Variants in RSPH14 observed in about 807,000 individuals in gnomAD.
RSPH14 encodes the protein rhabdoid tumor deletion region gene 1.
In RSPH14, 20 loss-of-function variants were observed where a neutral mutation model predicts 26.7. That is an observed-to-expected ratio of 0.75 (90% confidence interval 0.53 to 1.09). The LOEUF (loss-of-function observed/expected upper bound fraction) is 1.09, where lower values mean the gene tolerates loss of function less well. Ranked by LOEUF, RSPH14 falls within the 50% of genes least tolerant of loss-of-function variation. The pLI, the probability that RSPH14 is intolerant of heterozygous loss-of-function variation, is 0.00. For missense variants in RSPH14, 449 were observed against 457.2 expected (o/e 0.98, Z 0.16); for synonymous variants, 177 against 189.3 (o/e 0.93, Z 0.53).
chr22:23,171,810 C>A, the RSPH14 span, among the ~76,000 whole-genome samples: 1 of 146,528 alleles, frequency 6.8e-6, no homozygotes, highest in South Asian at 2.2e-4. Context: ...CCATTGCACT[C>A]CAGCCTGGGC....
chr22:23,153,013 G>A, the RSPH14 span: 36 of 1,583,094 alleles, frequency 2.3e-5, no homozygotes, highest in Non-Finnish European at 2.9e-5. Context: ...CCCCTGTGAC[G>A]ACTTCCTCAT....
the RSPH14 span, among the ~76,000 whole-genome samples, chr22:23,158,408 T>C: frequency 6.6e-6 from 1 of 152,176 alleles, no homozygotes. Context: ...GTATAGCCAG[T>C]CTTTGAAGTG....
intron 6 of RSPH14, among the ~76,000 whole-genome samples, chr22:23,061,500 T>C (rs1279767581): frequency 6.6e-6 from 1 of 152,142 alleles, no homozygotes; most frequent in Non-Finnish European, 1.5e-5. Context: ...TAATCAACCC[T>C]TGAGTCACAG....
intron 4 of RSPH14, among the ~76,000 whole-genome samples, chr22:23,080,452 A>G (rs572888303): frequency 6.6e-6 from 1 of 152,316 alleles, no homozygotes; most frequent in East Asian, 1.9e-4. Context: ...TGTCTGTAGG[A>G]TGGGGACACT....
At chr22:23,108,815 T>C (rs2069558111) in intron 4 of RSPH14, among the ~76,000 whole-genome samples, 1 of 152,258 alleles carries the variant, frequency 6.6e-6, no homozygotes, top group Non-Finnish European at 1.5e-5. Context: ...AGTGTTAGCA[T>C]CCTCTGCCTG....
At chr22:23,089,100 G>C (rs1217311056) in intron 4 of RSPH14, among the ~76,000 whole-genome samples, 1 of 152,202 alleles carries the variant, frequency 6.6e-6, no homozygotes, top group Non-Finnish European at 1.5e-5. Flanking sequence ...AGGAGGGAGG[G>C]AGGCAGGTAG....
At chr22:23,066,368 C>G (rs1354216428) in intron 4 of RSPH14, among the ~76,000 whole-genome samples, 1 of 152,130 alleles carries the variant, frequency 6.6e-6, no homozygotes, top group Non-Finnish European at 1.5e-5. Flanking sequence ...CCCACCTCTC[C>G]TTGGTGAGGA....
chr22:23,156,485 C>T, the RSPH14 span, among the ~76,000 whole-genome samples: 1 of 152,168 alleles, frequency 6.6e-6, no homozygotes, highest in East Asian at 1.9e-4. Context: ...TCACCACTTC[C>T]ATGGCCAAGG....
At chr22:23,079,559 A>G (rs372929676) in intron 4 of RSPH14, among the ~76,000 whole-genome samples, 8 of 152,282 alleles carry the variant, frequency 5.3e-5, no homozygotes, top group African/African-American at 1.9e-4. Flanking sequence ...ATGTCAAGCA[A>G]GCGTCGGGAG....
chr22:23,086,669 G>A (rs1402133590), intron 4 of RSPH14, among the ~76,000 whole-genome samples: 3 of 152,260 alleles, frequency 2.0e-5, no homozygotes, highest in African/African-American at 7.2e-5. Flanking sequence ...GACCTCCCAT[G>A]AAGATGTGTG....
intron 1 of RSPH14, 43 bp downstream of exon 1, chr22:23,141,906 G>T (rs2070610000): frequency 2.2e-6 from 2 of 891,692 alleles, no homozygotes; most frequent in Non-Finnish European, 2.7e-6. Flanking sequence ...GGGTCACTGG[G>T]CCCCCCTGTC....
intron 4 of RSPH14, among the ~76,000 whole-genome samples, chr22:23,101,684 C>T (rs2069306898): frequency 6.6e-6 from 1 of 152,244 alleles, no homozygotes; most frequent in Non-Finnish European, 1.5e-5. Flanking sequence ...GGGCCACATG[C>T]AGTTTGTCTG....
At chr22:23,168,030 T>A in the RSPH14 span, among the ~76,000 whole-genome samples, 8 of 152,248 alleles carry the variant, frequency 5.3e-5, no homozygotes, top group East Asian at 1.9e-4. Context: ...ATTTTTTTTT[T>A]AATTTCACAG....
chr22:23,106,512 G>T (rs1288167979), intron 4 of RSPH14, among the ~76,000 whole-genome samples: 1 of 152,172 alleles, frequency 6.6e-6, no homozygotes, highest in Non-Finnish European at 1.5e-5. Flanking sequence ...ATGTGGACTT[G>T]TGTCCATCTG....
chr22:23,145,689 G>T, upstream of RSPH14: 1 of 1,086,082 alleles, frequency 9.2e-7, no homozygotes. Context: ...CTGCGGCCCC[G>T]GGGCGTCCTC....
chr22:23,145,633 G>A, upstream of RSPH14: 5 of 1,431,730 alleles, frequency 3.5e-6, no homozygotes, highest in Non-Finnish European at 4.7e-6. Context: ...GGCCGCGAGG[G>A]CACAGCGTCC....
At chr22:23,097,479 A>T (rs541541461) in intron 4 of RSPH14, among the ~76,000 whole-genome samples, 1 of 152,254 alleles carries the variant, frequency 6.6e-6, no homozygotes, top group African/African-American at 2.4e-5. Flanking sequence ...GCAGCTGGGG[A>T]GGCGGGCTTG....
chr22:23,102,735 A>C (rs1342215026), intron 4 of RSPH14, among the ~76,000 whole-genome samples: 1 of 152,232 alleles, frequency 6.6e-6, no homozygotes, highest in Non-Finnish European at 1.5e-5. Context: ...GTGTCACTAG[A>C]GGCCATTCCC....
chr22:23,167,473 C>T, the RSPH14 span, among the ~76,000 whole-genome samples: 9 of 152,270 alleles, frequency 5.9e-5, no homozygotes, highest in African/African-American at 2.2e-4. Flanking sequence ...TCCTCCCAGC[C>T]CTGCTGCAGG....
Sources: gnomAD v4.1 joint callset for allele counts (sites outside exome capture counted in the v4.1 genomes callset) on GRCh38, gnomAD v4.1.1 for gene constraint, MANE v1.5 for transcripts, NCBI Gene and HGNC (gene_info 2026-07-23, HGNC 2026-07-21) for gene names.